EML5: variants seen among roughly 807,000 people sequenced by gnomAD.
The protein encoded by EML5 is echinoderm microtubule-associated protein-like 5.
A neutral mutation model predicts 250.0 loss-of-function variants in EML5; 120 were observed. The ratio of observed to expected loss-of-function variants is 0.48; its 90% confidence interval spans 0.41 to 0.56. The LOEUF (loss-of-function observed/expected upper bound fraction) is 0.56, where lower values mean the gene tolerates loss of function less well. Among genes scored for constraint, EML5 ranks in the 20% least tolerant of loss-of-function variants. The pLI, the probability that EML5 is intolerant of heterozygous loss-of-function variation, is 0.00. For synonymous variants in EML5, 771 were observed against 806.5 expected, an observed-to-expected ratio of 0.96 and a Z score of 0.75; for missense variants, 2,006 against 2,437.6, an observed-to-expected ratio of 0.82 and a Z score of 3.73.
chr14:88,618,471 C>A, intron 40 of EML5, 140 bp from the exon 41 acceptor site: 1 of 1,091,824 alleles, frequency 9.2e-7, no homozygotes, highest in Non-Finnish European at 1.3e-6. Flanking sequence ...ACTACAAAAA[C>A]TTAATAGGAG....
chr14:88,664,534 C>G lies in EML5; in HGVS notation c.3368G>C (p.Gly1123Ala), dbSNP rs538660790. ...AATATGGGTTATGTAACTGGTAGCT[C>G]CTTTGCATATTCCTACTCGTTTACT... is the stretch of plus-strand genomic sequence containing the variant. The part of the protein sequence containing the change: ...MSSKRVGICK[G>A]ATSYITHIDW... Residue 1123 changes from glycine (G) to alanine (A), a missense_variant, in exon 23 of 44, where the codon GGA (glycine) becomes GCA (alanine). Coordinates refer to ENST00000554922, the MANE Select transcript of EML5 (RefSeq NM_183387.3). 1.4e-5 allele frequency: 23 copies of G among 1,610,368 alleles called. No homozygotes were observed. In the South Asian group the frequency reaches 2.4e-4, roughly 17 times the overall value.
intron 13 of EML5, among the ~76,000 whole-genome samples, chr14:88,704,095 C>A (rs2093270873): frequency 6.6e-6 from 1 of 152,046 alleles, no homozygotes; most frequent in African/African-American, 2.4e-5. Flanking sequence ...GAAATGTGAT[C>A]CCCAGTGTGG....
intron 8 of EML5, among the ~76,000 whole-genome samples, chr14:88,717,806 T>C (rs8021690): frequency 0.23 from 34,966 of 152,072 alleles, 4,249 homozygotes; most frequent in East Asian, 0.37. Flanking sequence ...TAAAGGAGCA[T>C]AGTAATAGGA....
chr14:88,622,013 G>A (rs56144430), intron 37 of EML5: 82,505 of 348,958 alleles, frequency 0.24, 10,297 homozygotes, highest in East Asian at 0.37. Flanking sequence ...CCTTTAACCA[G>A]TCCTTCCCTA....
chr14:88,738,745 G>T, intron 6 of EML5, 134 bp downstream of exon 6: 1 of 1,036,312 alleles, frequency 9.6e-7, no homozygotes, highest in Non-Finnish European at 1.3e-6. Flanking sequence ...TTAATCAAAT[G>T]CATACAGGGT....
chr14:88,620,712 A>G lies in EML5; in HGVS notation c.5375+42T>C. 1 of 1,418,214 alleles carries G rather than the reference A, an allele frequency of 7.1e-7. No individual in the cohort carries two copies. The highest frequency in any genetic ancestry group is 9.2e-7 in the Non-Finnish European group (1 of 1,083,960). The allele number at this position is 1,418,214 out of a possible 1,614,324, so 87.9% of individuals were successfully genotyped here. ...GGAAAATTTTACAAATGGAAGTTAAATCAAGTATATACTAGAAACTCTATT... is the reference window on the plus strand; with the variant it reads ...GGAAAATTTTACAAATGGAAGTTAAGTCAAGTATATACTAGAAACTCTATT... On this transcript the variant is annotated intron_variant, in intron 39 of 43. Transcript: ENST00000554922. This position sits in a 1 kb window ranked among gnomAD's most constrained non-coding sequence, Gnocchi z 4.3.
chr14:88,787,592 T>C (rs2094564197), intron 1 of EML5, among the ~76,000 whole-genome samples: 2 of 152,240 alleles, frequency 1.3e-5, no homozygotes, highest in African/African-American at 4.8e-5. Flanking sequence ...ACTATTATTC[T>C]AGTTAATTCC....
At chr14:88,621,384 C>A in intron 37 of EML5, 83 bp from the exon 38 acceptor site, 1 of 1,546,752 alleles carries the variant, frequency 6.5e-7, no homozygotes, top group African/African-American at 1.4e-5. Flanking sequence ...ACCCTATTGA[C>A]CTGCTTTCAG....
intron 11 of EML5, 135 bp from the exon 12 acceptor site, chr14:88,705,723 T>C (rs1279278473): frequency 1.4e-6 from 1 of 707,588 alleles, no homozygotes; most frequent in East Asian, 2.7e-5. Flanking sequence ...AAATTACCTA[T>C]TCAAGTGACA....
At chr14:88,760,395 A>G (rs918998589) in intron 1 of EML5, among the ~76,000 whole-genome samples, 2 of 152,096 alleles carry the variant, frequency 1.3e-5, no homozygotes, top group African/African-American at 4.8e-5. Context: ...CTAACTTTCC[A>G]GCACCATGTA....
intron 1 of EML5, among the ~76,000 whole-genome samples, chr14:88,773,986 G>A (rs1279748160): frequency 6.6e-6 from 1 of 152,158 alleles, no homozygotes; most frequent in Admixed American, 6.5e-5. Flanking sequence ...TGGTGTGGTG[G>A]CAGGTGCCTG....
intron 24 of EML5, among the ~76,000 whole-genome samples, chr14:88,662,426 G>A (rs548669576): frequency 4.2e-5 from 6 of 142,740 alleles, no homozygotes; most frequent in Non-Finnish European, 7.5e-5. Context: ...TCCTAAGGAC[G>A]TGGCAGATAT....
At chr14:88,695,576 G>A (rs1406104141) in intron 15 of EML5, 122 bp from the exon 16 acceptor site, 3 of 927,218 alleles carry the variant, frequency 3.2e-6, no homozygotes, top group South Asian at 3.2e-5. Flanking sequence ...TTAAATGTTA[G>A]GCATGCATAC....
At chr14:88,634,960 C>A (rs1595300308) in intron 32 of EML5, among the ~76,000 whole-genome samples, 1 of 152,044 alleles carries the variant, frequency 6.6e-6, no homozygotes, top group Non-Finnish European at 1.5e-5. Flanking sequence ...TAGATCTAAA[C>A]CTTCTGAGCT....
intron 31 of EML5, among the ~76,000 whole-genome samples, chr14:88,642,230 T>C (rs1182458528): frequency 6.6e-5 from 10 of 152,196 alleles, no homozygotes; most frequent in African/African-American, 2.4e-4. Flanking sequence ...AAGTTTGCCA[T>C]TAAATTGTAA....
intron 31 of EML5, among the ~76,000 whole-genome samples, chr14:88,640,058 A>G (rs2090971725): frequency 6.6e-6 from 1 of 152,200 alleles, no homozygotes; most frequent in South Asian, 2.1e-4. Flanking sequence ...TCCAGAGGAT[A>G]GAGAAACCAT....
rs1476817355 is a variant in EML5 at position 88,704,975 on chromosome 14, A to G, written c.1936T>C (p.Tyr646His). The G allele has an allele frequency of 6.9e-6, 11 of 1,596,506 alleles. No individual in the cohort carries two copies. Among genetic ancestry groups the G allele is most frequent in the Non-Finnish European group, 8.6e-6 (10 of 1,167,248 alleles). ...TTAAGCTGAGGTAGATCTTCTTTGT[A>G]AACCTTTAAAAATGTATACAAGTAG... is the stretch of plus-strand genomic sequence containing the variant. ...ETQLTYRRQVYKEDLPQLKEQ... is the reference protein window; with the variant it reads ...ETQLTYRRQVHKEDLPQLKEQ... The change falls in exon 13 of 44, where the codon TAC becomes CAC. Residue 646 changes from tyrosine (Y) to histidine (H), a missense_variant. Physicochemically the swap from Tyr to His is moderately conservative, Grantham distance 83 (BLOSUM62 2). Around this residue, in one of 7 missense-constraint regions of EML5, gnomAD observed 1,375 missense variants for 1,590.3 expected, o/e 0.86. Transcript: ENST00000554922.
Position 88,615,793 on chromosome 14 carries a change from A to G in EML5, c.*25T>C. The G allele has an allele frequency of 6.2e-7, 1 of 1,606,260 alleles. No individual in the cohort carries two copies. Among genetic ancestry groups the G allele is most frequent in the Non-Finnish European group, 8.5e-7 (1 of 1,176,464 alleles). On this transcript the variant is annotated 3_prime_UTR_variant, in exon 44 of 44. Transcript: ENST00000554922. ...CTCTGTAATTCTGGTCTCAAAGTTA[A>G]TTTCTGTAGTCATCTCAGCATCTCT... is the stretch of plus-strand genomic sequence containing the variant.
At chr14:88,713,268 T>A (rs1329407291) in intron 9 of EML5, among the ~76,000 whole-genome samples, 6 of 151,980 alleles carry the variant, frequency 3.9e-5, no homozygotes, top group African/African-American at 1.2e-4. Flanking sequence ...GGTGGGCACC[T>A]GTAATCTCAG....
Sources: gnomAD v4.1 joint callset for allele counts (sites outside exome capture counted in the v4.1 genomes callset) on GRCh38, gnomAD v4.1.1 for gene constraint, gnomAD v4.1.1 regional missense constraint, Gnocchi (gnomAD v3.1) non-coding constraint, MANE v1.5 for transcripts, NCBI Gene and HGNC (gene_info 2026-07-23, HGNC 2026-07-21) for gene names.